HHIPL1: variants seen among roughly 807,000 people sequenced by gnomAD.
HHIPL1 encodes the protein HHIP-like protein 1.
Under a neutral mutation model 61.8 loss-of-function variants are expected in HHIPL1, and 43 were observed. The ratio of observed to expected loss-of-function variants is 0.70; its 90% confidence interval spans 0.55 to 0.90. The LOEUF is 0.90. HHIPL1 is among the 40% of genes least tolerant of loss of function. The probability of loss-of-function intolerance (pLI) is 0.00; values close to 1 mark genes in which losing one functional copy is unlikely to be tolerated. For missense variants in HHIPL1, 1,056 were observed against 1,157.7 expected (o/e 0.91, Z 1.28); for synonymous variants, 482 against 515.8 (o/e 0.93, Z 0.89).
the HHIPL1 span, among the ~76,000 whole-genome samples, chr14:99,615,305 T>A: frequency 6.6e-6 from 1 of 152,078 alleles, no homozygotes; most frequent in Non-Finnish European, 1.5e-5. Context: ...CCCAGCACTT[T>A]AGGAGCCCAG....
At chr14:99,665,646 G>A (rs1329350454) in intron 6 of HHIPL1, among the ~76,000 whole-genome samples, 2 of 152,160 alleles carry the variant, frequency 1.3e-5, no homozygotes, top group Admixed American at 1.3e-4. Context: ...TGTTGCCTAG[G>A]CAGGTGTGGA....
chr14:99,624,348 C>T, the HHIPL1 span, among the ~76,000 whole-genome samples: 1 of 152,200 alleles, frequency 6.6e-6, no homozygotes, highest in Non-Finnish European at 1.5e-5. Flanking sequence ...GTGTCTTCAT[C>T]TGTGGATGGG....
In HHIPL1 at chr14:99,675,708, G is replaced by T; in HGVS notation, c.*82G>T. On this transcript the variant is annotated 3_prime_UTR_variant, in exon 9 of 9. Transcript: ENST00000330710. This position sits in a 1 kb window ranked among gnomAD's most constrained non-coding sequence, Gnocchi z 5.4. ...TCCGCCCTGTGTGCGCCCAGCGGGT[G>T]CACACGTGTTCTAGAGTGAAGGGGG... The T allele has an allele frequency of 7.4e-7, 1 of 1,358,854 alleles. No homozygotes were observed. The highest frequency in any genetic ancestry group is 2.7e-5 in the Admixed American group (1 of 36,836). The allele number at this position is 1,358,854 out of a possible 1,614,324, so 84.2% of individuals were successfully genotyped here.
the HHIPL1 span, among the ~76,000 whole-genome samples, chr14:99,616,854 G>T: frequency 6.6e-6 from 1 of 152,210 alleles, no homozygotes; most frequent in Non-Finnish European, 1.5e-5. Flanking sequence ...CCCACAGGAA[G>T]GATCAGCCTT....
In HHIPL1 at chr14:99,660,256, G is replaced by C; in HGVS notation, c.1376-24G>C. 4.3e-6 allele frequency: 7 copies of C among 1,613,636 alleles called. No individual in the cohort carries two copies. The highest frequency in any genetic ancestry group is 5.9e-6 in the Non-Finnish European group (7 of 1,179,886). ...ACCTTCCCGCCGCTGGCTCACCGAA[G>C]CTTCTCTCCCTCCCACCCCGCAGAT... On this transcript the variant is annotated intron_variant, in intron 4 of 8. Transcript: ENST00000330710. The surrounding 1 kb of genome is among the most constrained non-coding windows in gnomAD (Gnocchi z 4.9).
the HHIPL1 span, among the ~76,000 whole-genome samples, chr14:99,630,774 G>A: frequency 6.6e-6 from 1 of 152,200 alleles, no homozygotes. Flanking sequence ...TTGGAAGTCC[G>A]AGATCGAGGT....
chr14:99,615,469 G>A, the HHIPL1 span, among the ~76,000 whole-genome samples: 5 of 152,154 alleles, frequency 3.3e-5, no homozygotes, highest in South Asian at 2.1e-4. Flanking sequence ...ACTAGAGCCC[G>A]GGAGGTTGAA....
At chr14:99,620,865 G>A in the HHIPL1 span, among the ~76,000 whole-genome samples, 3 of 152,326 alleles carry the variant, frequency 2.0e-5, no homozygotes, top group South Asian at 6.2e-4. Flanking sequence ...GCAGGAGTCA[G>A]ACCTGGAGGC....
chr14:99,650,759 C>T (rs995413920), intron 1 of HHIPL1, among the ~76,000 whole-genome samples: 3 of 152,218 alleles, frequency 2.0e-5, no homozygotes, highest in Non-Finnish European at 4.4e-5. Flanking sequence ...CCACAATTTG[C>T]CCCAAACCCC....
At chr14:99,637,208 GAAA>G in the HHIPL1 span, among the ~76,000 whole-genome samples, 5,118 of 80,958 alleles carry the variant, frequency 0.063, 209 homozygotes, top group South Asian at 0.12. Flanking sequence ...AAGGAAGAAA[GAAA>G]GAAAGAAAGA....
Position 99,645,343 on chromosome 14 carries a change from G to T in HHIPL1, c.136G>T (p.Gly46Cys). Reference protein sequence around the residue: ...LRLCAQYSDFGCCDEGRDAEL... With the variant: ...LRLCAQYSDFCCCDEGRDAEL... ...CCTCTGCGCGCAGTACTCGGACTTC[G>T]GCTGCTGCGATGAGGGGCGCGACGC... is the stretch of plus-strand genomic sequence containing the variant. Residue 46 changes from glycine (G) to cysteine (C), a missense_variant, in exon 1 of 9, where the codon GGC becomes TGC. Physicochemically the swap from Gly to Cys is radical, Grantham distance 159. Transcript: ENST00000330710. 6.9e-7 allele frequency: 1 copy of T among 1,454,396 alleles called. No individual in the cohort carries two copies. Among genetic ancestry groups the T allele is most frequent in the Non-Finnish European group, 9.0e-7 (1 of 1,107,738 alleles). The allele number at this position is 1,454,396 out of a possible 1,614,324, so 90.1% of individuals were successfully genotyped here.
At chr14:99,649,513 G>A (rs894698011) in intron 1 of HHIPL1, among the ~76,000 whole-genome samples, 3 of 152,210 alleles carry the variant, frequency 2.0e-5, no homozygotes, top group Admixed American at 6.5e-5. Flanking sequence ...GAGTCAAGCC[G>A]TGTACGGTGG....
At chr14:99,644,309 G>T (rs1423282041), upstream of HHIPL1, among the ~76,000 whole-genome samples, 1 of 152,192 alleles carries the variant, frequency 6.6e-6, no homozygotes, top group African/African-American at 2.4e-5. Context: ...AGAAGCAAAC[G>T]CTGAGGTCCA....
chr14:99,617,187 A>G, the HHIPL1 span, among the ~76,000 whole-genome samples: 2 of 152,240 alleles, frequency 1.3e-5, no homozygotes, highest in African/African-American at 2.4e-5. Flanking sequence ...AAATAAATGC[A>G]TTCACTCCAT....
At chr14:99,672,801 G>T (rs1411666517) in intron 8 of HHIPL1, among the ~76,000 whole-genome samples, 1 of 152,198 alleles carries the variant, frequency 6.6e-6, no homozygotes, top group Non-Finnish European at 1.5e-5. Context: ...ACAGAGCAGG[G>T]CCACAAATGA....
In HHIPL1 at chr14:99,677,390, C is replaced by G. The variant is rs1372576772; in HGVS notation, c.*1764C>G. 1.3e-5 allele frequency: 2 copies of G among 152,310 alleles called. No homozygotes were observed. Among genetic ancestry groups the G allele is most frequent in the Non-Finnish European group, 2.9e-5 (2 of 68,128 alleles). The allele number at this position is 152,310 out of a possible 1,614,324, so 9.4% of individuals were successfully genotyped here. ...GCTGGGAAGCAGCTGATGGAGATCC[C>G]TGGGGGCTCCTCTTGCCTGGCAGGT... is the stretch of plus-strand genomic sequence containing the variant. On this transcript the variant is annotated 3_prime_UTR_variant, in exon 9 of 9. Transcript: ENST00000330710. This position sits in a 1 kb window ranked among gnomAD's most constrained non-coding sequence, Gnocchi z 4.3.
intron 6 of HHIPL1, among the ~76,000 whole-genome samples, chr14:99,665,710 A>G (rs1315532783): frequency 2.0e-5 from 3 of 152,230 alleles, no homozygotes; most frequent in African/African-American, 7.2e-5. Flanking sequence ...CTGGGATTAC[A>G]GGCATGAGCC....
chr14:99,610,148 C>T, the HHIPL1 span, among the ~76,000 whole-genome samples: 1 of 152,168 alleles, frequency 6.6e-6, no homozygotes, highest in Non-Finnish European at 1.5e-5. Context: ...CTCACACCAT[C>T]GCCTGATGGA....
At position 99,668,834 on chromosome 14, in the gene HHIPL1, G is replaced by GT; in HGVS notation, c.1730+532dup. ...CATCTCCCCGGCTTCCCTTCTAGCT[G>GT]TAAGGCCAGAAGCGCCATGCCCGGC... On this transcript the variant is annotated intron_variant, in intron 7 of 8. Transcript: ENST00000330710. This position sits in a 1 kb window ranked among gnomAD's most constrained non-coding sequence, Gnocchi z 4.7. The GT allele has an allele frequency of 6.2e-7, 1 of 1,613,644 alleles. No homozygotes were observed. Among genetic ancestry groups the GT allele is most frequent in the Non-Finnish European group, 8.5e-7 (1 of 1,179,996 alleles).
Sources: allele counts gnomAD v4.1 joint callset (sites outside exome capture counted in the v4.1 genomes callset), GRCh38; gene constraint gnomAD v4.1.1; non-coding constraint Gnocchi (gnomAD v3.1); transcripts MANE v1.5; gene names NCBI Gene and HGNC (gene_info 2026-07-23, HGNC 2026-07-21).